Variants in FSTL5 observed in about 807,000 individuals in gnomAD.
FSTL5 encodes follistatin like 5.
In FSTL5, 62 loss-of-function variants were observed where a neutral mutation model predicts 89.1. That is an observed-to-expected ratio of 0.70 (90% CI 0.57 to 0.86). The LOEUF is 0.86. FSTL5 is among the 40% of genes least tolerant of loss of function. FSTL5 has a pLI of 0.00. For missense variants in FSTL5, 1,057 were observed against 1,001.6 expected (o/e 1.06, Z -0.75); for synonymous variants, 383 against 346.2 (o/e 1.11, Z -1.18).
intron 15 of FSTL5, among the ~76,000 whole-genome samples, chr4:161,402,816 G>C (rs4691755): frequency 0.056 from 8,507 of 150,908 alleles, 545 homozygotes; most frequent in East Asian, 0.24. Flanking sequence ...TTAGTTACTT[G>C]CCAGAACTTT....
rs1016162559 is a variant in FSTL5, at chr4:161,701,405, A to G, written c.728-44911T>C. ...CTCTAAAATGTTATTCTCACTTAGA[A>G]AAAATAGTAGATATAGGTTAAAACA... On this transcript the variant is annotated intron_variant, in intron 6 of 15. Transcript: ENST00000306100. Among the ~76,000 whole-genome samples, 4 of 152,298 alleles carry G rather than the reference A, an allele frequency of 2.6e-5. 1 individual carries two copies. The highest frequency in any genetic ancestry group is 4.1e-4 in the South Asian group (2 of 4,834).
At chr4:162,074,400 T>C (rs2111317600) in intron 2 of FSTL5, among the ~76,000 whole-genome samples, 1 of 151,900 alleles carries the variant, frequency 6.6e-6, no homozygotes, top group African/African-American at 2.4e-5. Flanking sequence ...AACTTATAAC[T>C]TTGATCAAAG....
At position 161,561,943 on chromosome 4, in the gene FSTL5, G is replaced by T. The variant is rs1201713104; in HGVS notation, c.1016-19250C>A. Among the ~76,000 whole-genome samples the T allele has an allele frequency of 2.6e-5, 4 of 151,990 alleles. No individual in the cohort carries two copies. In the East Asian group the frequency reaches 7.8e-4, roughly 30 times the overall value. On this transcript the variant is annotated intron_variant, in intron 8 of 15. Coordinates refer to ENST00000306100, the MANE Select transcript of FSTL5 (RefSeq NM_020116.5). ...TGTTGTAGGTGTGGAACAACAGTCT[G>T]CAAGTGTTCCACTTTCCCTCAGCTT...
At chr4:161,501,093 T>C (rs1236152056) in intron 11 of FSTL5, among the ~76,000 whole-genome samples, 3 of 152,288 alleles carry the variant, frequency 2.0e-5, no homozygotes, top group South Asian at 2.1e-4. Flanking sequence ...AATTCAGTGA[T>C]AGCATGTTCT....
At chr4:161,667,518 A>G (rs907080143) in intron 6 of FSTL5, among the ~76,000 whole-genome samples, 2 of 152,104 alleles carry the variant, frequency 1.3e-5, no homozygotes, top group African/African-American at 4.8e-5. Context: ...ATAGTAAGGT[A>G]TTGACATTGC....
At chr4:161,940,435 C>T (rs1043499467) in intron 3 of FSTL5, among the ~76,000 whole-genome samples, 6 of 151,648 alleles carry the variant, frequency 4.0e-5, no homozygotes, top group East Asian at 1.9e-4. Context: ...ATCCAATGAA[C>T]GTTCTGAAGG....
intron 3 of FSTL5, among the ~76,000 whole-genome samples, chr4:161,921,009 G>C (rs1197274177): frequency 6.6e-6 from 1 of 152,078 alleles, no homozygotes; most frequent in Non-Finnish European, 1.5e-5. Flanking sequence ...GTGCCAAGTT[G>C]TCCCATCTGT....
chr4:162,123,390 A>G (rs909366277), intron 1 of FSTL5, among the ~76,000 whole-genome samples: 4 of 152,096 alleles, frequency 2.6e-5, no homozygotes, highest in South Asian at 4.1e-4. Context: ...GACCCAAGAT[A>G]TTTTCCAGAG....
intron 4 of FSTL5, among the ~76,000 whole-genome samples, chr4:161,813,372 T>G (rs1730225672): frequency 6.6e-6 from 1 of 152,042 alleles, no homozygotes; most frequent in African/African-American, 2.4e-5. Context: ...ATTGCCACAT[T>G]TAATCAACAT....
chr4:161,964,864 T>C (rs1735280470), intron 3 of FSTL5, among the ~76,000 whole-genome samples: 1 of 152,046 alleles, frequency 6.6e-6, no homozygotes, highest in Admixed American at 6.6e-5. Context: ...CAATTCCTTA[T>C]TTACTTTTTC....
intron 1 of FSTL5, among the ~76,000 whole-genome samples, chr4:162,137,470 C>T (rs944292234): frequency 1.3e-5 from 2 of 151,952 alleles, no homozygotes; most frequent in Non-Finnish European, 2.9e-5. Context: ...CACACACACA[C>T]ATATATAACA....
At chr4:161,842,617 AAT>A (rs1731247178) in intron 4 of FSTL5, among the ~76,000 whole-genome samples, 2 of 152,144 alleles carry the variant, frequency 1.3e-5, no homozygotes, top group Admixed American at 6.5e-5. Flanking sequence ...ATCTTTAAAA[AAT>A]AGTCTATTTA....
chr4:161,918,286 A>C (rs1212118702), intron 4 of FSTL5, among the ~76,000 whole-genome samples: 3 of 152,178 alleles, frequency 2.0e-5, no homozygotes, highest in Non-Finnish European at 4.4e-5. Flanking sequence ...TTTATGAGTT[A>C]GTTGTATTTT....
intron 12 of FSTL5, among the ~76,000 whole-genome samples, chr4:161,491,471 C>G (rs77556131): frequency 0.1 from 15,182 of 151,624 alleles, 915 homozygotes; most frequent in South Asian, 0.2. Context: ...TCATAAGGAG[C>G]TAATTTTTCA....
chr4:161,840,968 C>T (rs1257242714), intron 4 of FSTL5, among the ~76,000 whole-genome samples: 2 of 152,104 alleles, frequency 1.3e-5, no homozygotes, highest in African/African-American at 2.4e-5. Context: ...CGCTATTTCT[C>T]CCCCAACACC....
intron 13 of FSTL5, among the ~76,000 whole-genome samples, chr4:161,463,666 G>A (rs4358350): frequency 0.085 from 12,912 of 152,054 alleles, 751 homozygotes; most frequent in South Asian, 0.2. Context: ...TAGAACAATT[G>A]GTTTTTATAG....
At chr4:162,122,337 G>A (rs997784375) in intron 1 of FSTL5, among the ~76,000 whole-genome samples, 6 of 151,794 alleles carry the variant, frequency 4.0e-5, no homozygotes, top group African/African-American at 1.4e-4. Flanking sequence ...ACTGTTCCCC[G>A]CTTCTACCAC....
intron 2 of FSTL5, among the ~76,000 whole-genome samples, chr4:162,038,023 G>A (rs1737806833): frequency 2.0e-5 from 3 of 151,890 alleles, no homozygotes; most frequent in African/African-American, 7.2e-5. Flanking sequence ...CGAGTGACCA[G>A]AAACTTTTGT....
chr4:161,740,088 C>T (rs1739961154), intron 6 of FSTL5, among the ~76,000 whole-genome samples: 1 of 151,906 alleles, frequency 6.6e-6, no homozygotes, highest in African/African-American at 2.4e-5. Flanking sequence ...GGCACAATCT[C>T]AGCTCACTGC....
Sources: gnomAD v4.1 joint callset for allele counts (sites outside exome capture counted in the v4.1 genomes callset) on GRCh38, gnomAD v4.1.1 for gene constraint, MANE v1.5 for transcripts, NCBI Gene and HGNC (gene_info 2026-07-23, HGNC 2026-07-21) for gene names.